The following LRFN2 variants were observed in gnomAD, a reference collection of about 807,000 sequenced individuals.
LRFN2 encodes leucine rich repeat and fibronectin type III domain containing 2.
LRFN2 carries 18 observed loss-of-function variants against 37.3 expected under a neutral mutation model. The ratio of observed to expected loss-of-function variants is 0.48; its 90% CI spans 0.33 to 0.72. LRFN2 has a LOEUF of 0.72. Ranked by LOEUF, LRFN2 falls within the 30% of genes least tolerant of loss-of-function variation. The pLI is 0.02. For missense variants in LRFN2, 1,006 were observed against 1,060.7 expected, an observed-to-expected ratio of 0.95 and a Z score of 0.72; for synonymous variants, 556 against 466.6, an observed-to-expected ratio of 1.19 and a Z score of -2.47.
chr6:40,411,749 T>G (rs1762971839), intron 2 of LRFN2, among the ~76,000 whole-genome samples: 1 of 151,886 alleles, frequency 6.6e-6, no homozygotes, highest in South Asian at 2.1e-4. Flanking sequence ...AGGCCTGCCC[T>G]GGACACGCTA....
chr6:40,406,391 C>T (rs1304977616), intron 2 of LRFN2, among the ~76,000 whole-genome samples: 3 of 152,176 alleles, frequency 2.0e-5, no homozygotes, highest in Non-Finnish European at 1.5e-5. Flanking sequence ...GTCTGGCAGT[C>T]TGTTTTGGTG....
chr6:40,481,599 G>T (rs1423259995), intron 1 of LRFN2, among the ~76,000 whole-genome samples: 3 of 152,158 alleles, frequency 2.0e-5, no homozygotes, highest in Admixed American at 2.0e-4. Context: ...GGTATGGAAG[G>T]CACCTTTGAG....
chr6:40,520,290 T>A lies in LRFN2; in HGVS notation c.-19+66651A>T, dbSNP rs1004250968. On this transcript the variant is annotated intron_variant, in intron 1 of 2. Coordinates refer to ENST00000338305, the MANE Select transcript of LRFN2 (RefSeq NM_020737.3). ...AAGGGGTGGAGGAGTGCAGAGGGGC[T>A]GGGAGACAGGACAGGCAGCTTAAGG... Among the ~76,000 whole-genome samples, 3 of 151,812 alleles carry A rather than the reference T, an allele frequency of 2.0e-5. No individual in the cohort carries two copies. In the South Asian group the frequency reaches 6.3e-4, roughly 32 times the overall value.
At chr6:40,468,643 A>G (rs1764525724) in intron 1 of LRFN2, among the ~76,000 whole-genome samples, 1 of 151,634 alleles carries the variant, frequency 6.6e-6, no homozygotes, top group African/African-American at 2.4e-5. Flanking sequence ...GAAAAACAGT[A>G]CCCAGTGAAA....
At chr6:40,554,449 G>C (rs1001625067) in intron 1 of LRFN2, among the ~76,000 whole-genome samples, 1 of 152,182 alleles carries the variant, frequency 6.6e-6, no homozygotes, top group Non-Finnish European at 1.5e-5. Context: ...GGGGTGAATG[G>C]GAGGGAGAGG....
intron 1 of LRFN2, among the ~76,000 whole-genome samples, chr6:40,460,145 C>G (rs1411947047): frequency 1.3e-5 from 2 of 152,202 alleles, no homozygotes; most frequent in Non-Finnish European, 2.9e-5. Flanking sequence ...AGTCTCCTCA[C>G]AGGGGCTCCT....
chr6:40,531,869 A>G (rs1367859317), intron 1 of LRFN2, among the ~76,000 whole-genome samples: 1 of 152,070 alleles, frequency 6.6e-6, no homozygotes, highest in African/African-American at 2.4e-5. Flanking sequence ...GCCCTGACAC[A>G]ACCCATCAGT....
At chr6:40,490,328 T>G (rs1765060048) in intron 1 of LRFN2, among the ~76,000 whole-genome samples, 2 of 152,308 alleles carry the variant, frequency 1.3e-5, no homozygotes, top group South Asian at 4.1e-4. Context: ...TGTCCATGCC[T>G]CAGGCCACCA....
At position 40,432,079 on chromosome 6, in the gene LRFN2, G is replaced by A. The variant is rs1411209992; in HGVS notation, c.1035C>T (p.Asp345=). The stretch of plus-strand genomic sequence containing the variant: ...TGTCCTGAGATGTGGTGATGAAGAT[G>A]TCCAGGGTGCCATTGTCATAGACAG... ...RTAVYDNGTL[D]IFITTSQDSG... The change falls in exon 2 of 3, where the codon GAC becomes GAT. Residue 345 remains aspartate (D), a synonymous_variant. Transcript: ENST00000338305. 4.3e-6 allele frequency: 7 copies of A among 1,614,108 alleles called. No individual in the cohort carries two copies. The highest frequency in any genetic ancestry group is 1.6e-4 in the Middle Eastern group (1 of 6,062).
chr6:40,455,651 G>C (rs1006909891), intron 1 of LRFN2, among the ~76,000 whole-genome samples: 1 of 152,188 alleles, frequency 6.6e-6, no homozygotes, highest in African/African-American at 2.4e-5. Context: ...TGCAGCAGCA[G>C]CAGTATCACT....
At chr6:40,437,313 G>A (rs746489079) in intron 1 of LRFN2, among the ~76,000 whole-genome samples, 15 of 152,200 alleles carry the variant, frequency 9.9e-5, no homozygotes, top group East Asian at 7.8e-4. Flanking sequence ...GACTGCCTCC[G>A]CCATCCTTTG....
intron 2 of LRFN2, among the ~76,000 whole-genome samples, chr6:40,420,179 G>T (rs75052889): frequency 6.6e-6 from 1 of 152,320 alleles, no homozygotes; most frequent in East Asian, 1.9e-4. Flanking sequence ...TAACGAGCTC[G>T]TTCATCCACA....
intron 2 of LRFN2, among the ~76,000 whole-genome samples, chr6:40,396,114 T>A (rs998707269): frequency 6.6e-6 from 1 of 152,188 alleles, no homozygotes; most frequent in Non-Finnish European, 1.5e-5. Context: ...ACATGAGGGC[T>A]TACTCTGTGC....
intron 1 of LRFN2, chr6:40,501,715 G>A (rs1037107271): frequency 3.9e-5 from 6 of 152,136 alleles, no homozygotes; most frequent in Non-Finnish European, 5.9e-5. Flanking sequence ...ATTCAGCCAC[G>A]TGCCAGCGTG....
chr6:40,480,829 T>C (rs916582801), intron 1 of LRFN2, among the ~76,000 whole-genome samples: 6 of 152,152 alleles, frequency 3.9e-5, no homozygotes, highest in Admixed American at 3.9e-4. Flanking sequence ...AAGCGCTCAT[T>C]AAATGGTAGC....
chr6:40,526,085 G>A (rs1263513841), intron 1 of LRFN2, among the ~76,000 whole-genome samples: 1 of 152,260 alleles, frequency 6.6e-6, no homozygotes, highest in African/African-American at 2.4e-5. Flanking sequence ...ACAGTTCTGA[G>A]CACTGCTTAT....
At chr6:40,434,039 C>T (rs948983544) in intron 1 of LRFN2, among the ~76,000 whole-genome samples, 3 of 152,210 alleles carry the variant, frequency 2.0e-5, no homozygotes, top group African/African-American at 7.2e-5. Flanking sequence ...CATCCCTGCC[C>T]CGCCCCGCTG....
intron 1 of LRFN2, among the ~76,000 whole-genome samples, chr6:40,535,326 G>A (rs936452636): frequency 6.6e-6 from 1 of 152,188 alleles, no homozygotes; most frequent in Non-Finnish European, 1.5e-5. Flanking sequence ...TATTATGATT[G>A]CTCATCCTGA....
chr6:40,523,662 G>A (rs1053585340), intron 1 of LRFN2, among the ~76,000 whole-genome samples: 7 of 152,130 alleles, frequency 4.6e-5, no homozygotes, highest in Admixed American at 1.3e-4. Flanking sequence ...GGGCATGTAT[G>A]ATTGCACCAG....
Sources: gnomAD v4.1 joint callset for allele counts (sites outside exome capture counted in the v4.1 genomes callset) on GRCh38, gnomAD v4.1.1 for gene constraint, MANE v1.5 for transcripts, NCBI Gene and HGNC (gene_info 2026-07-23, HGNC 2026-07-21) for gene names.